Variants in LRRTM4 observed in about 807,000 individuals in gnomAD.
LRRTM4 encodes leucine-rich repeat transmembrane neuronal protein 4.
Under a neutral mutation model 47.6 loss-of-function variants are expected in LRRTM4, and 25 were observed. The ratio of observed to expected loss-of-function variants is 0.53; its 90% CI spans 0.38 to 0.73. LRRTM4 has a LOEUF of 0.73. LRRTM4 is among the 30% of genes least tolerant of loss of function. The pLI is 0.00. For missense variants in LRRTM4, 638 were observed against 713.4 expected (o/e 0.89, Z 1.20); for synonymous variants, 311 against 269.5 (o/e 1.15, Z -1.51).
intron 3 of LRRTM4, among the ~76,000 whole-genome samples, chr2:77,475,181 T>C (rs1005390522): frequency 4.6e-5 from 7 of 152,056 alleles, no homozygotes; most frequent in Admixed American, 3.9e-4. Flanking sequence ...ACCAAGTGTG[T>C]TTTGCAGCTG....
intron 3 of LRRTM4, among the ~76,000 whole-genome samples, chr2:77,471,650 A>T (rs1677193912): frequency 6.6e-6 from 1 of 152,072 alleles, no homozygotes; most frequent in Admixed American, 6.6e-5. Flanking sequence ...TTTGCCCTTG[A>T]TGTTCTTTGC....
intron 3 of LRRTM4, among the ~76,000 whole-genome samples, chr2:76,795,252 ATTT>A (rs1013159960): frequency 7.0e-6 from 1 of 143,514 alleles, no homozygotes; most frequent in Non-Finnish European, 1.5e-5. Flanking sequence ...TTTAAAAATC[ATTT>A]TTAATTGACA....
rs376257593 is a variant in LRRTM4 at position 77,010,284 on chromosome 2, CCATT to C, written c.1552-261372_1552-261369del. ...TTTGTGTTGTTTGATTAATATCCTC[CCATT>C]CCTTCCATCCCCTAGCCTTTAATGA... On this transcript the variant is annotated intron_variant, in intron 3 of 3. Coordinates refer to ENST00000409884, the MANE Select transcript of LRRTM4 (RefSeq NM_001134745.3). 1.2e-4 allele frequency among the ~76,000 whole-genome samples: 18 copies of C among 151,736 alleles called. No homozygotes were observed. In the East Asian group the frequency reaches 3.5e-3, roughly 29 times the overall value.
At chr2:76,931,432 G>A (rs962277577) in intron 3 of LRRTM4, among the ~76,000 whole-genome samples, 3 of 152,150 alleles carry the variant, frequency 2.0e-5, no homozygotes, top group Non-Finnish European at 2.9e-5. Flanking sequence ...ACCTTGGGTT[G>A]TACAGTCTTC....
Position 77,477,904 on chromosome 2 carries a change from A to AAAG in LRRTM4, c.1551+40411_1551+40413dup, listed in dbSNP as rs1415352679. On this transcript the variant is annotated intron_variant, in intron 3 of 3. Coordinates refer to ENST00000409884, the MANE Select transcript of LRRTM4 (RefSeq NM_001134745.3). The stretch of plus-strand genomic sequence containing the variant: ...AAGAGAAAGAAAGAAAAAGAAAGAA[A>AAAG]AAGAAAGAAAGAAAGAAAGAAAGAA... Among the ~76,000 whole-genome samples, 5 of 4,924 alleles carry AAAG rather than the reference A, an allele frequency of 1.0e-3. No homozygotes were observed. The East Asian group carries it at 0.015, about 15-fold the overall frequency. The allele number at this position is 4,924 out of a possible 152,430, so 3.2% of individuals were successfully genotyped here. A position where few individuals can be genotyped will look rare whatever the true frequency, so the allele number is the denominator to read the frequency against.
At chr2:77,208,720 C>T (rs868282445) in intron 3 of LRRTM4, among the ~76,000 whole-genome samples, 6 of 151,968 alleles carry the variant, frequency 3.9e-5, no homozygotes, top group African/African-American at 1.4e-4. Context: ...AGTGTGAGAC[C>T]AGAGGTTTAG....
At chr2:76,798,829 G>A (rs138965653) in intron 3 of LRRTM4, among the ~76,000 whole-genome samples, 23,701 of 151,796 alleles carry the variant, frequency 0.16, 1,972 homozygotes, top group African/African-American at 0.2. Context: ...ACACCTCTAC[G>A]CAAATAAACT....
intron 3 of LRRTM4, among the ~76,000 whole-genome samples, chr2:76,871,499 T>C (rs541044543): frequency 6.6e-6 from 1 of 152,220 alleles, no homozygotes; most frequent in South Asian, 2.1e-4. Context: ...GAATTGAAAA[T>C]CTTGTTTTTC....
At chr2:77,493,696 GT>G (rs1678253685) in intron 3 of LRRTM4, among the ~76,000 whole-genome samples, 1 of 152,056 alleles carries the variant, frequency 6.6e-6, no homozygotes, top group African/African-American at 2.4e-5. Context: ...TCCCCCAAAA[GT>G]TGCAGGACCC....
chr2:76,792,511 G>A (rs777408471), intron 3 of LRRTM4, among the ~76,000 whole-genome samples: 3 of 152,086 alleles, frequency 2.0e-5, no homozygotes, highest in Non-Finnish European at 4.4e-5. Context: ...TATTAGGAAG[G>A]CGTGTGTGTG....
chr2:77,117,607 TAAATA>T (rs1558588720), intron 3 of LRRTM4, among the ~76,000 whole-genome samples: 1 of 151,948 alleles, frequency 6.6e-6, no homozygotes, highest in Non-Finnish European at 1.5e-5. Flanking sequence ...GACCAATAAA[TAAATA>T]AAATTGTCAA....
intron 3 of LRRTM4, among the ~76,000 whole-genome samples, chr2:76,982,904 T>C (rs557415834): frequency 6.6e-6 from 1 of 152,228 alleles, no homozygotes; most frequent in South Asian, 2.1e-4. Context: ...CTTACAGACA[T>C]GGCTCTTTTG....
intron 3 of LRRTM4, among the ~76,000 whole-genome samples, chr2:76,821,581 T>C (rs1232470739): frequency 6.6e-6 from 1 of 151,592 alleles, no homozygotes; most frequent in Middle Eastern, 3.4e-3. Flanking sequence ...TCAAGGAAAA[T>C]AAGGAAACAG....
chr2:76,965,945 T>G (rs1676009729), intron 3 of LRRTM4, among the ~76,000 whole-genome samples: 1 of 151,410 alleles, frequency 6.6e-6, no homozygotes, highest in Non-Finnish European at 1.5e-5. Flanking sequence ...AGGGGTTGAT[T>G]GGAGCCAGGT....
chr2:76,789,079 T>TA (rs531724856), intron 3 of LRRTM4, among the ~76,000 whole-genome samples: 20 of 152,186 alleles, frequency 1.3e-4, no homozygotes, highest in East Asian at 3.9e-4. Context: ...TGATTCTTAG[T>TA]AAAAAAAGGA....
chr2:77,121,127 G>A (rs1572982103), intron 3 of LRRTM4, among the ~76,000 whole-genome samples: 3 of 151,678 alleles, frequency 2.0e-5, no homozygotes, highest in Non-Finnish European at 4.4e-5. Context: ...GTTTTTTGGG[G>A]GAATAGGGAG....
chr2:76,808,109 T>G lies in LRRTM4; in HGVS notation c.1552-59193A>C, dbSNP rs141611278. Among the ~76,000 whole-genome samples, 484 of 151,880 alleles carry G rather than the reference T, an allele frequency of 3.2e-3. 5 individuals are homozygous for G. Among genetic ancestry groups the G allele is most frequent in the African/African-American group, 0.011 (454 of 41,398 alleles). On this transcript the variant is annotated intron_variant, in intron 3 of 3. Coordinates refer to ENST00000409884, the MANE Select transcript of LRRTM4 (RefSeq NM_001134745.3). ...ATCTCAACTCACTGCAACCTCCACC[T>G]CCTGGGTTCAAGGGATTCTCCTGCC...
chr2:77,056,576 G>T (rs937084541), intron 3 of LRRTM4, among the ~76,000 whole-genome samples: 2 of 152,048 alleles, frequency 1.3e-5, no homozygotes, highest in Non-Finnish European at 2.9e-5. Flanking sequence ...TAAAATATAT[G>T]AAAAGACTGT....
chr2:76,942,599 C>A (rs1252300785), intron 3 of LRRTM4, among the ~76,000 whole-genome samples: 8 of 150,756 alleles, frequency 5.3e-5, no homozygotes, highest in Non-Finnish European at 1.0e-4. Flanking sequence ...GCTTCAACCC[C>A]AACATTTATG....
Sources: allele counts gnomAD v4.1 joint callset (sites outside exome capture counted in the v4.1 genomes callset), GRCh38; gene constraint gnomAD v4.1.1; transcripts MANE v1.5; gene names NCBI Gene and HGNC (gene_info 2026-07-23, HGNC 2026-07-21).